SOX5: variants seen among roughly 807,000 people sequenced by gnomAD.
SOX5 encodes transcription factor SOX-5.
SOX5 carries 9 observed loss-of-function variants against 92.0 expected under a neutral mutation model. The ratio of observed to expected loss-of-function variants is 0.10; its 90% CI spans 0.06 to 0.17. The LOEUF is 0.17. SOX5 is among the 10% of genes least tolerant of loss of function. The pLI is 1.00. For missense variants in SOX5, 642 were observed against 944.5 expected (o/e 0.68, Z 4.20); for synonymous variants, 344 against 336.3 (o/e 1.02, Z -0.25).
chr12:24,086,473 G>T (rs1425630469), intron 4 of SOX5, among the ~76,000 whole-genome samples: 3 of 151,704 alleles, frequency 2.0e-5, no homozygotes, highest in African/African-American at 7.3e-5. Flanking sequence ...ATAGAATTTT[G>T]TAAATAATGA....
intron 3 of SOX5, among the ~76,000 whole-genome samples, chr12:23,811,111 T>G (rs12823104): frequency 0.13 from 19,799 of 152,162 alleles, 1,432 homozygotes; most frequent in Non-Finnish European, 0.15. Flanking sequence ...TTCTGTATTC[T>G]TATGAACACA....
intron 1 of SOX5, among the ~76,000 whole-genome samples, chr12:24,425,417 C>T (rs757346127): frequency 6.6e-5 from 10 of 152,176 alleles, no homozygotes; most frequent in Non-Finnish European, 1.3e-4. Context: ...CTCCTAAGAG[C>T]CCACCTGACT....
intron 3 of SOX5, among the ~76,000 whole-genome samples, chr12:23,758,809 C>T (rs1018071551): frequency 1.3e-5 from 2 of 151,918 alleles, no homozygotes; most frequent in African/African-American, 2.4e-5. Flanking sequence ...TATAGAAAGG[C>T]TTCAGGGTAC....
chr12:23,994,389 A>G (rs1227870014), intron 4 of SOX5, among the ~76,000 whole-genome samples: 2 of 152,188 alleles, frequency 1.3e-5, no homozygotes, highest in Admixed American at 6.6e-5. Context: ...CTTTTGTTAT[A>G]TAAATTTGAC....
At chr12:23,949,753 CCTCTCTCTCTCTGT>C, upstream of SOX5, 2 of 732,782 alleles carry the variant, frequency 2.7e-6, no homozygotes, top group Non-Finnish European at 4.1e-6. Flanking sequence ...TCTCTCTCTC[CCTCTCTCTCTCTGT>C]CTCTCTCTCT....
intron 4 of SOX5, among the ~76,000 whole-genome samples, chr12:23,747,569 T>C (rs2094031410): frequency 6.6e-6 from 1 of 152,116 alleles, no homozygotes; most frequent in South Asian, 2.1e-4. Flanking sequence ...AATACCAATA[T>C]GCAAACTTGC....
chr12:24,091,630 T>C (rs1016190365), intron 4 of SOX5, among the ~76,000 whole-genome samples: 1 of 151,988 alleles, frequency 6.6e-6, no homozygotes, highest in Non-Finnish European at 1.5e-5. Context: ...ATAGCAAATT[T>C]TAATAAAATA....
At chr12:24,455,518 TCA>T (rs1942907111) in intron 1 of SOX5, among the ~76,000 whole-genome samples, 1 of 152,170 alleles carries the variant, frequency 6.6e-6, no homozygotes, top group African/African-American at 2.4e-5. Context: ...TCTATAAAGT[TCA>T]GTCAAGATTT....
chr12:24,197,071 T>C (rs1428789729), intron 4 of SOX5, among the ~76,000 whole-genome samples: 1 of 152,216 alleles, frequency 6.6e-6, no homozygotes, highest in African/African-American at 2.4e-5. Context: ...CAACTCAGAA[T>C]GGCCTAGCCT....
chr12:23,728,308 A>C (rs575921879), intron 6 of SOX5, among the ~76,000 whole-genome samples: 1 of 152,256 alleles, frequency 6.6e-6, no homozygotes, highest in East Asian at 1.9e-4. Context: ...GAAGGAGTTA[A>C]TGCGTGTCTT....
intron 6 of SOX5, among the ~76,000 whole-genome samples, chr12:23,687,538 T>G (rs1331152120): frequency 2.0e-5 from 3 of 152,062 alleles, no homozygotes; most frequent in Non-Finnish European, 4.4e-5. Context: ...ACTCACAGAA[T>G]TTTAAATATA....
At chr12:23,647,834 C>T (rs1040542744) in intron 7 of SOX5, among the ~76,000 whole-genome samples, 2 of 152,170 alleles carry the variant, frequency 1.3e-5, no homozygotes, top group East Asian at 1.9e-4. Context: ...CTGGTTTGAT[C>T]TTCTATTTCA....
rs183084803 is a variant in SOX5, at chr12:23,996,792, G to C, written c.-1-100768C>G. On this transcript the variant is annotated intron_variant, in intron 4 of 4. Coordinates refer to the SOX5 transcript ENST00000446891. ...AACAGGTACATGCACAGGGCAAAAA[G>C]CAGGTTTGTGTTGCCAGGGTCTAAT... Among the ~76,000 whole-genome samples, 195 of 152,308 alleles carry C rather than the reference G, an allele frequency of 1.3e-3. 1 individual carries two copies. The highest frequency in any genetic ancestry group is 4.4e-3 in the African/African-American group (182 of 41,580).
intron 1 of SOX5, among the ~76,000 whole-genome samples, chr12:24,379,829 C>CT (rs1353753942): frequency 1.3e-4 from 12 of 94,950 alleles, no homozygotes; most frequent in Admixed American, 4.3e-4. Flanking sequence ...ATTTTTACCA[C>CT]TTTAAAAAAA....
intron 3 of SOX5, among the ~76,000 whole-genome samples, chr12:24,221,939 A>C (rs1960555784): frequency 6.6e-6 from 1 of 152,220 alleles, no homozygotes; most frequent in Admixed American, 6.5e-5. Flanking sequence ...GAGTGAATGC[A>C]AGAGTAATAG....
At chr12:23,939,039 T>C (rs1943130134) in intron 1 of SOX5, among the ~76,000 whole-genome samples, 1 of 150,992 alleles carries the variant, frequency 6.6e-6, no homozygotes, top group Non-Finnish European at 1.5e-5. Context: ...TATCCAAATA[T>C]TTTTATGATT....
chr12:24,159,501 G>T (rs748249221), intron 4 of SOX5, among the ~76,000 whole-genome samples: 1 of 151,912 alleles, frequency 6.6e-6, no homozygotes, highest in South Asian at 2.1e-4. Context: ...TCAACAACTA[G>T]AGTAACCTGT....
chr12:23,639,949 A>G (rs1475328981), intron 8 of SOX5, among the ~76,000 whole-genome samples: 1 of 152,210 alleles, frequency 6.6e-6, no homozygotes, highest in African/African-American at 2.4e-5. Context: ...CTGGCTTCAT[A>G]GGCATACTGT....
intron 5 of SOX5, among the ~76,000 whole-genome samples, chr12:23,740,347 T>C (rs1386405914): frequency 6.6e-6 from 1 of 152,210 alleles, no homozygotes; most frequent in Admixed American, 6.5e-5. Flanking sequence ...TAACCATAAC[T>C]CTTCCACCTG....
Sources: allele counts gnomAD v4.1 joint callset (sites outside exome capture counted in the v4.1 genomes callset), GRCh38; gene constraint gnomAD v4.1.1; transcripts MANE v1.5; gene names NCBI Gene and HGNC (gene_info 2026-07-23, HGNC 2026-07-21).